The following SMARCC2 variants were observed in gnomAD, a reference collection of about 807,000 sequenced individuals.
The protein encoded by SMARCC2 is SWI/SNF complex subunit SMARCC2.
A neutral mutation model predicts 151.3 loss-of-function variants in SMARCC2; 15 were observed. That is an observed-to-expected ratio of 0.10 (90% CI 0.07 to 0.15). The LOEUF is 0.15. Ranked by LOEUF, SMARCC2 falls within the 10% of genes least tolerant of loss-of-function variation. The probability of loss-of-function intolerance (pLI) is 1.00; values close to 1 mark genes in which losing one functional copy is unlikely to be tolerated. For synonymous variants in SMARCC2, 590 were observed against 609.5 expected (o/e 0.97, Z 0.47); for missense variants, 1,031 against 1,599.7 (o/e 0.64, Z 6.06).
At chr12:56,188,080 C>T (rs1448083097) in intron 1 of SMARCC2, among the ~76,000 whole-genome samples, 1 of 152,138 alleles carries the variant, frequency 6.6e-6, no homozygotes, top group Non-Finnish European at 1.5e-5. Context: ...AAGACAGTGC[C>T]TCTCAGTGAG....
chr12:56,187,374 C>A (rs1877461700), intron 1 of SMARCC2, 68 bp from the exon 2 acceptor site: 1 of 1,459,760 alleles, frequency 6.9e-7, no homozygotes. Flanking sequence ...TCCCATATTT[C>A]TCCCCCAGGG....
chr12:56,183,022 T>A (rs1876539533), intron 7 of SMARCC2, among the ~76,000 whole-genome samples: 1 of 150,812 alleles, frequency 6.6e-6, no homozygotes, highest in Non-Finnish European at 1.5e-5. Flanking sequence ...TTTTTTTTTG[T>A]AAAGACAGGG....
rs1876809397 is a variant in SMARCC2 at position 56,184,217 on chromosome 12, C to A, written c.520G>T (p.Ala174Ser). The change falls in exon 6 of 29, where the codon GCC becomes TCC. Residue 174 changes from alanine to serine, a missense_variant. Physicochemically the swap from Ala to Ser is moderately conservative, Grantham distance 99. Around this residue, in one of 12 missense-constraint regions of SMARCC2, gnomAD observed 123 missense variants for 190.4 expected, o/e 0.65. Coordinates refer to ENST00000550164, the MANE Select transcript of SMARCC2 (RefSeq NM_001330288.2). The stretch of plus-strand genomic sequence containing the variant: ...GGGACAGGATACACAACATGGGAGG[C>A]ATTGTTCTTATCCTCAGTGACTGTT... ...QGTVTEDKNNASHVVYPVPGN... is the reference protein window; with the variant it reads ...QGTVTEDKNNSSHVVYPVPGN... 6.2e-7 allele frequency: 1 copy of A among 1,613,496 alleles called. No homozygotes were observed. The highest frequency in any genetic ancestry group is 1.7e-5 in the Admixed American group (1 of 59,964).
intron 16 of SMARCC2, 30 bp downstream of exon 16, chr12:56,174,621 T>G (rs758590394): frequency 7.0e-7 from 1 of 1,427,910 alleles, no homozygotes; most frequent in Non-Finnish European, 9.9e-7. Context: ...CATCCTCATG[T>G]ACCCCCTTCC....
chr12:56,164,360 G>C lies in SMARCC2; in HGVS notation c.3604C>G (p.Pro1202Ala). 6.2e-7 allele frequency: 1 copy of C among 1,613,746 alleles called. No individual in the cohort carries two copies. The highest frequency in any genetic ancestry group is 8.5e-7 in the Non-Finnish European group (1 of 1,180,026). ...PGLGSAAAQS[P>A]AIVAAVQGNL... ...CCCTGAACAGCTGCCACAATGGCAGGGCTTTGGGCTGCGGCGGATCCGAGC... is the reference window on the plus strand; with the variant it reads ...CCCTGAACAGCTGCCACAATGGCAGCGCTTTGGGCTGCGGCGGATCCGAGC... The change falls in exon 28 of 29, where the codon CCT (proline) becomes GCT (alanine). Residue 1202 changes from proline (P) to alanine (A), a missense_variant. This residue lies in a region of SMARCC2 where 310 missense variants were observed against 350.0 expected (regional missense o/e 0.89). Coordinates refer to ENST00000550164, the MANE Select transcript of SMARCC2 (RefSeq NM_001330288.2).
intron 3 of SMARCC2, chr12:56,185,954 C>G: frequency 1.8e-6 from 1 of 571,240 alleles, no homozygotes; most frequent in Middle Eastern, 4.5e-4. Context: ...CTACAAAACA[C>G]ACAGTGATAC....
intron 2 of SMARCC2, 93 bp downstream of exon 2, chr12:56,187,094 C>A (rs913996617): frequency 2.9e-6 from 4 of 1,384,842 alleles, no homozygotes; most frequent in Non-Finnish European, 2.0e-6. Flanking sequence ...TCAAAAATTA[C>A]AAAATTCACA....
chr12:56,188,806 CGGAGACAGGTGATCCCTGGGT>C (rs1388459333), intron 1 of SMARCC2, among the ~76,000 whole-genome samples: 1 of 152,108 alleles, frequency 6.6e-6, no homozygotes, highest in African/African-American at 2.4e-5. Flanking sequence ...GGATGAGCGG[CGGAGACAGGTGATCCCTGGGT>C]GGAGACCTTT....
Position 56,189,390 on chromosome 12 carries a change from G to A in SMARCC2, c.72C>T (p.Phe24=). The change falls in exon 1 of 29, where the codon TTC becomes TTT. Residue 24 remains phenylalanine, a synonymous_variant. Transcript: ENST00000550164. Reference sequence around the variant, plus strand: ...TGCCGAGCCACAGCCGCACGTTGTCGAACTGGGTCACGGTGTCCGCGGCCT... The same window carrying A: ...TGCCGAGCCACAGCCGCACGTTGTCAAACTGGGTCACGGTGTCCGCGGCCT... ...YYEAADTVTQ[F]DNVRLWLGKN... is the part of the protein sequence containing the mutation. The A allele has an allele frequency of 6.5e-7, 1 of 1,544,518 alleles. No homozygotes were observed.
chr12:56,171,423 G>A lies in SMARCC2; in HGVS notation c.2195C>T (p.Ser732Phe). The A allele has an allele frequency of 6.2e-7, 1 of 1,614,180 alleles. No homozygotes were observed. The highest frequency in any genetic ancestry group is 8.5e-7 in the Non-Finnish European group (1 of 1,180,036). ...CGTGGGTACCTCTTCCTTCATTTTG[G>A]AGAACTCCTCTGCAAGACCCAGAAA... ...AAAKSALEEF[S>F]KMKEEVPTAL... The change falls in exon 22 of 29, where the codon TCC becomes TTC. Residue 732 changes from serine to phenylalanine, a missense_variant. Transcript: ENST00000550164. The surrounding 1 kb of genome is among the most constrained non-coding windows in gnomAD (Gnocchi z 4.2).
Position 56,172,657 on chromosome 12 carries a change from T to C in SMARCC2, c.1791A>G (p.Lys597=). The stretch of plus-strand genomic sequence containing the variant: ...AGTTTTGCATGTCTGTTGGTTTCTC[T>C]TTGCCTTTGTCAGGAAAGTTGAGCA... ...QQMLNFPDKG[K]EKPTDMQNFG... The change falls in exon 19 of 29, where the codon AAA becomes AAG. Residue 597 remains lysine (K), a synonymous_variant. Coordinates refer to ENST00000550164, the MANE Select transcript of SMARCC2 (RefSeq NM_001330288.2). The C allele has an allele frequency of 2.5e-6, 4 of 1,614,204 alleles. No individual in the cohort carries two copies. The South Asian group carries it at 4.4e-5, about 18-fold the overall frequency.
chr12:56,181,463 A>G lies in SMARCC2; in HGVS notation c.956+19T>C, dbSNP rs1414678045. ...TGGAGAGAATGGTGAACACGGGGGC[A>G]GGCTAGGGGCTGGCACACCCTTTCT... On this transcript the variant is annotated intron_variant, in intron 10 of 28. Coordinates refer to ENST00000550164, the MANE Select transcript of SMARCC2 (RefSeq NM_001330288.2). 7.3e-7 allele frequency: 1 copy of G among 1,367,164 alleles called. No homozygotes were observed. The highest frequency in any genetic ancestry group is 1.0e-6 in the Non-Finnish European group (1 of 997,050). 84.7% of individuals were successfully genotyped at this position (1,367,164 alleles called of 1,614,324 possible).
chr12:56,184,254 A>G lies in SMARCC2; in HGVS notation c.493-10T>C, dbSNP rs1876815599. 6.2e-7 allele frequency: 1 copy of G among 1,606,496 alleles called. No individual in the cohort carries two copies. The highest frequency in any genetic ancestry group is 8.5e-7 in the Non-Finnish European group (1 of 1,174,048). On this transcript the variant is annotated splice_polypyrimidine_tract_variant and intron_variant, in intron 5 of 28. Coordinates refer to ENST00000550164, the MANE Select transcript of SMARCC2 (RefSeq NM_001330288.2). ...CCTCAGTGACTGTTCCCTGGATGGT[A>G]AAAGGAGAAGCGGGTAAATTATGGT...
At chr12:56,180,076 A>T (rs909204526) in intron 11 of SMARCC2, among the ~76,000 whole-genome samples, 1 of 152,044 alleles carries the variant, frequency 6.6e-6, no homozygotes, top group Non-Finnish European at 1.5e-5. Context: ...GCTTAACAGT[A>T]CAAGTACATA....
chr12:56,172,442 G>T lies in SMARCC2; in HGVS notation c.1912C>A (p.Leu638Met), dbSNP rs1228250690. 6.4e-7 allele frequency: 1 copy of T among 1,573,480 alleles called. No homozygotes were observed. The highest frequency in any genetic ancestry group is 8.6e-7 in the Non-Finnish European group (1 of 1,161,590). The part of the protein sequence containing the change: ...ATREWTEQET[L>M]LLLEALEMYK... ...GCCCCAATTACCTCCAGGAGAAGCA[G>T]GGTTTCCTGTTCTGTCCACTCACGA... Residue 638 changes from leucine (L) to methionine (M), a missense_variant, in exon 20 of 29, where the codon CTG becomes ATG. Leu to Met is a conservative substitution (Grantham distance 15, BLOSUM62 2). This residue lies in a region of SMARCC2 where 51 missense variants were observed against 137.9 expected (regional missense o/e 0.37). Coordinates refer to ENST00000550164, the MANE Select transcript of SMARCC2 (RefSeq NM_001330288.2).
rs1592268781 is a variant in SMARCC2 at position 56,163,908 on chromosome 12, C to A, written c.3662-143G>T. 10 of 560,180 alleles carry A rather than the reference C, an allele frequency of 1.8e-5. No individual in the cohort carries two copies. In the East Asian group the frequency reaches 3.0e-4, roughly 17 times the overall value. 34.7% of individuals were successfully genotyped at this position (560,180 alleles called of 1,614,324 possible). A position where few individuals can be genotyped will look rare whatever the true frequency, so the allele number is the denominator to read the frequency against. The stretch of plus-strand genomic sequence containing the variant: ...GTACCCATAATGTTCAACTTCTGTT[C>A]CCAACACTCTTTTCTACCTCATACT... On this transcript the variant is annotated intron_variant, in intron 28 of 28. Transcript: ENST00000550164.
Position 56,167,951 on chromosome 12 carries a change from AACACACACAC to A in SMARCC2, c.2850+99_2850+108del, listed in dbSNP as rs56809897. On this transcript the variant is annotated intron_variant, in intron 26 of 28. Coordinates refer to ENST00000550164, the MANE Select transcript of SMARCC2 (RefSeq NM_001330288.2). ...CTGTTGCTTATCTCTCTTTCACTGA[AACACACACAC>A]ACACACACACACACACACACACACA... 5,237 of 688,922 alleles carry A rather than the reference AACACACACAC, an allele frequency of 7.6e-3. 52 individuals carry two copies. The highest frequency in any genetic ancestry group is 0.042 in the African/African-American group (1,864 of 44,232). 42.7% of individuals were successfully genotyped at this position (688,922 alleles called of 1,614,324 possible). A position where few individuals can be genotyped will look rare whatever the true frequency, so the allele number is the denominator to read the frequency against.
At position 56,164,239 on chromosome 12, in the gene SMARCC2, C is replaced by T. The variant is rs563801378; in HGVS notation, c.3661+64G>A. On this transcript the variant is annotated intron_variant, in intron 28 of 28. Transcript: ENST00000550164. ...ATACCTGACCTCTTCCCCACCTGCC[C>T]GCTCACCCTCCCTCCAGGTGGACCC... 327 of 1,477,070 alleles carry T rather than the reference C, an allele frequency of 2.2e-4. 1 individual carries two copies. The Middle Eastern group carries it at 2.7e-3, about 12-fold the overall frequency. The allele number at this position is 1,477,070 out of a possible 1,614,324, so 91.5% of individuals were successfully genotyped here.
chr12:56,187,068 G>C, intron 2 of SMARCC2, 119 bp downstream of exon 2: 1 of 1,080,308 alleles, frequency 9.3e-7, no homozygotes, highest in Non-Finnish European at 1.3e-6. Flanking sequence ...AGGGATGGTG[G>C]AAAATAACCC....
Sources: gnomAD v4.1 joint callset for allele counts (sites outside exome capture counted in the v4.1 genomes callset) on GRCh38, gnomAD v4.1.1 for gene constraint, gnomAD v4.1.1 regional missense constraint, Gnocchi (gnomAD v3.1) non-coding constraint, MANE v1.5 for transcripts, NCBI Gene and HGNC (gene_info 2026-07-23, HGNC 2026-07-21) for gene names.